MACC1: variants seen among roughly 807,000 people sequenced by gnomAD.
The protein encoded by MACC1 is metastasis-associated in colon cancer protein 1.
A neutral mutation model predicts 70.7 loss-of-function variants in MACC1; 79 were observed. The observed-to-expected ratio is 1.12, with a 90% CI of 0.93 to 1.35. MACC1 has a LOEUF of 1.35. Among genes scored for constraint, MACC1 ranks in the 40% most tolerant of loss-of-function variants. MACC1 has a pLI of 0.00. For missense variants in MACC1, 1,106 were observed against 978.1 expected (o/e 1.13, Z -1.74); for synonymous variants, 361 against 347.2 (o/e 1.04, Z -0.44).
intron 1 of MACC1, among the ~76,000 whole-genome samples, chr7:20,194,821 A>G (rs1295569959): frequency 6.6e-6 from 1 of 152,232 alleles, no homozygotes; most frequent in African/African-American, 2.4e-5. Context: ...GCCTAAATCA[A>G]TTGCAATCAA....
intron 6 of MACC1, chr7:20,147,439 A>G (rs1781909467): frequency 6.6e-6 from 1 of 152,232 alleles, no homozygotes; most frequent in Non-Finnish European, 1.5e-5. Flanking sequence ...ACAACACTTC[A>G]TTTTCAGTAC....
chr7:20,178,261 TCACACACACACACA>T (rs71020623), intron 1 of MACC1, among the ~76,000 whole-genome samples: 5 of 98,910 alleles, frequency 5.1e-5, no homozygotes, highest in Non-Finnish European at 9.4e-5. Context: ...TAATCTTATT[TCACACACACACACA>T]CACACACACA....
At chr7:20,185,279 C>T (rs3095219) in intron 1 of MACC1, among the ~76,000 whole-genome samples, 68,512 of 151,922 alleles carry the variant, frequency 0.45, 16,217 homozygotes, top group East Asian at 0.86. Context: ...TAAAAGAATA[C>T]TTGAGATATT....
At chr7:20,177,509 T>G (rs1782412288) in intron 1 of MACC1, among the ~76,000 whole-genome samples, 1 of 152,118 alleles carries the variant, frequency 6.6e-6, no homozygotes, top group Non-Finnish European at 1.5e-5. Flanking sequence ...GGTTATATTT[T>G]CTTAGGATTT....
intron 1 of MACC1, among the ~76,000 whole-genome samples, chr7:20,176,224 A>G (rs889467003): frequency 2.6e-5 from 4 of 152,146 alleles, no homozygotes; most frequent in African/African-American, 7.2e-5. Context: ...ATTTTACAAC[A>G]TATACATAAA....
intron 1 of MACC1, among the ~76,000 whole-genome samples, chr7:20,200,110 T>C (rs941175261): frequency 2.6e-5 from 4 of 151,808 alleles, no homozygotes; most frequent in African/African-American, 9.7e-5. Flanking sequence ...TAAATAAAAT[T>C]CATAATAAAA....
At chr7:20,170,558 T>G (rs1316101441) in intron 2 of MACC1, 156 bp downstream of exon 2, 1 of 152,226 alleles carries the variant, frequency 6.6e-6, no homozygotes, top group Non-Finnish European at 1.5e-5. Context: ...TAAAAATTAT[T>G]GTATCGTTTA....
chr7:20,205,818 T>A (rs1409739243), intron 1 of MACC1, among the ~76,000 whole-genome samples: 1 of 151,988 alleles, frequency 6.6e-6, no homozygotes, highest in East Asian at 1.9e-4. Flanking sequence ...CCAAGACCCC[T>A]CCCCAGAGCT....
chr7:20,196,872 G>A (rs756676266), intron 1 of MACC1, among the ~76,000 whole-genome samples: 3 of 152,064 alleles, frequency 2.0e-5, no homozygotes, highest in East Asian at 3.8e-4. Context: ...ACTTCACCTC[G>A]CAGCCACTCA....
At chr7:20,202,607 T>A (rs975776356) in intron 1 of MACC1, among the ~76,000 whole-genome samples, 1 of 152,336 alleles carries the variant, frequency 6.6e-6, no homozygotes, top group Non-Finnish European at 1.5e-5. Context: ...AATTAAATGA[T>A]TTACTATCTG....
At chr7:20,211,205 T>C (rs982079936) in intron 1 of MACC1, among the ~76,000 whole-genome samples, 1 of 152,160 alleles carries the variant, frequency 6.6e-6, no homozygotes, top group Non-Finnish European at 1.5e-5. Flanking sequence ...TAAGGATTCC[T>C]GGGAATCAGT....
chr7:20,156,086 C>T (rs571545615), intron 5 of MACC1, among the ~76,000 whole-genome samples: 45 of 152,158 alleles, frequency 3.0e-4, no homozygotes, highest in Admixed American at 7.2e-4. Context: ...TATATAAGGA[C>T]AGCCAGTCTC....
intron 1 of MACC1, among the ~76,000 whole-genome samples, chr7:20,171,045 A>G (rs554545611): frequency 6.6e-6 from 1 of 152,188 alleles, no homozygotes; most frequent in Non-Finnish European, 1.5e-5. Flanking sequence ...ACGGTGTGCA[A>G]CAGTATGAAC....
intron 1 of MACC1, among the ~76,000 whole-genome samples, chr7:20,186,218 T>G (rs1245538800): frequency 6.6e-6 from 1 of 152,214 alleles, no homozygotes; most frequent in East Asian, 1.9e-4. Context: ...TAAAATCATC[T>G]TTGATTGTTA....
rs193272893 is a variant in MACC1 at position 20,203,318 on chromosome 7, C to A, written c.-218+13981G>T. ...TTTCTACCTCACCTCTTCCATCGCCCAACTAACTAGCTACTGCTGCTACTG... is the reference window on the plus strand; with the variant it reads ...TTTCTACCTCACCTCTTCCATCGCCAAACTAACTAGCTACTGCTGCTACTG... On this transcript the variant is annotated intron_variant, in intron 1 of 6. Coordinates refer to ENST00000400331, the MANE Select transcript of MACC1 (RefSeq NM_182762.4). 5.7e-3 allele frequency among the ~76,000 whole-genome samples: 864 copies of A among 152,218 alleles called. 8 individuals are homozygous for A. Among genetic ancestry groups the A allele is most frequent in the Non-Finnish European group, 6.6e-3 (451 of 68,008 alleles).
chr7:20,159,816 C>A lies in MACC1; in HGVS notation c.545G>T (p.Trp182Leu), dbSNP rs1432875649. The A allele has an allele frequency of 6.2e-7, 1 of 1,614,110 alleles. No homozygotes were observed. Among genetic ancestry groups the A allele is most frequent in the African/African-American group, 1.3e-5 (1 of 75,048 alleles). The change falls in exon 5 of 7, where the codon TGG (tryptophan) becomes TTG (leucine). Residue 182 changes from tryptophan (W) to leucine (L), a missense_variant. Transcript: ENST00000400331. ...KNDREAYKMA[W>L]LSQRQLARSC... ...GCGGGCCAGCTGGCGTTGACTTAAC[C>A]AAGCCATTTTATAAGCCTCCCGATC... is the stretch of plus-strand genomic sequence containing the variant.
At chr7:20,169,357 C>T (rs935766481) in intron 2 of MACC1, among the ~76,000 whole-genome samples, 9 of 152,114 alleles carry the variant, frequency 5.9e-5, no homozygotes, top group Non-Finnish European at 1.0e-4. Context: ...ATTTTTCTTT[C>T]CTGTACCCTT....
chr7:20,156,887 TA>T (rs1223793449), intron 5 of MACC1, among the ~76,000 whole-genome samples: 2 of 152,238 alleles, frequency 1.3e-5, no homozygotes, highest in African/African-American at 4.8e-5. Context: ...CCTGCCTATA[TA>T]ATTTTATTTA....
intron 1 of MACC1, among the ~76,000 whole-genome samples, chr7:20,173,228 G>C (rs1248443445): frequency 1.3e-5 from 2 of 152,034 alleles, no homozygotes; most frequent in Non-Finnish European, 2.9e-5. Context: ...GTTTTGCTTT[G>C]TTTTCTAAAA....
Sources: gnomAD v4.1 joint callset for allele counts (sites outside exome capture counted in the v4.1 genomes callset) on GRCh38, gnomAD v4.1.1 for gene constraint, MANE v1.5 for transcripts, NCBI Gene and HGNC (gene_info 2026-07-23, HGNC 2026-07-21) for gene names.